PPP1R37: variants seen among roughly 807,000 people sequenced by gnomAD.
PPP1R37 encodes protein phosphatase 1 regulatory subunit 37, also known as leucine rich repeat containing 68.
A neutral mutation model predicts 61.0 loss-of-function variants in PPP1R37; 21 were observed. The ratio of observed to expected loss-of-function variants is 0.34; its 90% confidence interval spans 0.24 to 0.50. The LOEUF is 0.50. Ranked by LOEUF, PPP1R37 falls within the 20% of genes least tolerant of loss-of-function variation. The pLI, the probability that PPP1R37 is intolerant of heterozygous loss-of-function variation, is 0.98. For synonymous variants in PPP1R37, 443 were observed against 433.5 expected (o/e 1.02, Z -0.27); for missense variants, 910 against 952.7 (o/e 0.96, Z 0.59).
chr19:45,146,854 T>G lies in PPP1R37; in HGVS notation c.*292T>G. The G allele has an allele frequency of 5.0e-6, 1 of 198,182 alleles. No individual in the cohort carries two copies. Among genetic ancestry groups the G allele is most frequent in the Non-Finnish European group, 1.1e-5 (1 of 95,032 alleles). 12.3% of individuals were successfully genotyped at this position (198,182 alleles called of 1,614,324 possible). A position where few individuals can be genotyped will look rare whatever the true frequency, so the allele number is the denominator to read the frequency against. On this transcript the variant is annotated 3_prime_UTR_variant, in exon 13 of 13. Transcript: ENST00000221462. ...GAGGTCTCCAAGGACATCAGGCGCC[T>G]GTTCTGGAGGGGCCAGGCTTGCCCT...
At chr19:45,093,761 C>T (rs1235725544) in intron 1 of PPP1R37, among the ~76,000 whole-genome samples, 1 of 152,084 alleles carries the variant, frequency 6.6e-6, no homozygotes, top group African/African-American at 2.4e-5. Flanking sequence ...AGATGGTGAT[C>T]GTTTTAGGGT....
chr19:45,145,787 G>T lies in PPP1R37; in HGVS notation c.1731G>T (p.Pro577=). 1 of 1,505,084 alleles carries T rather than the reference G, an allele frequency of 6.6e-7. No individual in the cohort carries two copies. The allele number at this position is 1,505,084 out of a possible 1,614,324, so 93.2% of individuals were successfully genotyped here. A position where few individuals can be genotyped will look rare whatever the true frequency, so the allele number is the denominator to read the frequency against. The change falls in exon 11 of 13, where the codon CCG becomes CCT. Residue 577 remains proline (P), a synonymous_variant. Transcript: ENST00000221462. ...TTGTGGTGACCCGGGTGGAGAGCCCGCCCGAGAGGGCAGAGCCCCCTGCGT... is the reference window on the plus strand; with the variant it reads ...TTGTGGTGACCCGGGTGGAGAGCCCTCCCGAGAGGGCAGAGCCCCCTGCGT... ...KVFVVTRVES[P]PERAEPPASP...
intron 8 of PPP1R37, 125 bp from the exon 9 acceptor site, chr19:45,144,729 G>A (rs929414426): frequency 1.8e-5 from 14 of 791,962 alleles, no homozygotes; most frequent in Non-Finnish European, 2.5e-5. Context: ...CGGTGTTCAC[G>A]CAGGCGCGCG....
chr19:45,114,566 G>A (rs1968240714), intron 1 of PPP1R37, among the ~76,000 whole-genome samples: 1 of 152,210 alleles, frequency 6.6e-6, no homozygotes, highest in African/African-American at 2.4e-5. Flanking sequence ...AGGAGGCTCT[G>A]CAGACACCCC....
At chr19:45,105,047 TG>T (rs1968112827) in intron 1 of PPP1R37, among the ~76,000 whole-genome samples, 1 of 152,186 alleles carries the variant, frequency 6.6e-6, no homozygotes, top group Non-Finnish European at 1.5e-5. Flanking sequence ...GGGTTGGGTT[TG>T]GTGCCACTGT....
chr19:45,122,543 A>C (rs1968354855), intron 1 of PPP1R37, among the ~76,000 whole-genome samples: 1 of 152,196 alleles, frequency 6.6e-6, no homozygotes, highest in Non-Finnish European at 1.5e-5. Flanking sequence ...GGTCATGAGA[A>C]GTGCCACCTA....
At chr19:45,119,740 G>A (rs1416562378) in intron 1 of PPP1R37, among the ~76,000 whole-genome samples, 2 of 152,208 alleles carry the variant, frequency 1.3e-5, no homozygotes, top group Admixed American at 1.3e-4. Flanking sequence ...CTGGGAAAGT[G>A]GCCAGGTAGG....
At chr19:45,093,554 G>GGGCTCGAGAGGGACCCGGGAGTC (rs1484458423) in intron 1 of PPP1R37, 27 bp downstream of exon 1, 1 of 1,514,828 alleles carries the variant, frequency 6.6e-7, no homozygotes, top group Admixed American at 2.0e-5. Context: ...AAGCGGGGGC[G>GGGCTCGAGAGGGACCCGGGAGTC]GGCTCGAGAG....
chr19:45,110,915 G>A (rs566883579), intron 1 of PPP1R37, among the ~76,000 whole-genome samples: 3 of 152,290 alleles, frequency 2.0e-5, no homozygotes, highest in East Asian at 1.9e-4. Flanking sequence ...CAGGTGGCCC[G>A]AAATAGCCTG....
chr19:45,105,054 A>G lies in PPP1R37; in HGVS notation c.202+11527A>G, dbSNP rs147303195. Among the ~76,000 whole-genome samples, 308 of 152,250 alleles carry G rather than the reference A, an allele frequency of 2.0e-3. 9 individuals carry two copies. In the East Asian group the frequency reaches 0.056, roughly 28 times the overall value. The stretch of plus-strand genomic sequence containing the variant: ...GCAGTGGTGGGTTGGGTTTGGTGCC[A>G]CTGTATTCCCCAGTGCCCCAGACCA... On this transcript the variant is annotated intron_variant, in intron 1 of 12. Coordinates refer to ENST00000221462, the MANE Select transcript of PPP1R37 (RefSeq NM_019121.2).
chr19:45,142,486 A>C, intron 7 of PPP1R37, 28 bp downstream of exon 7: 1 of 1,531,726 alleles, frequency 6.5e-7, no homozygotes, highest in Non-Finnish European at 8.7e-7. Context: ...CCCCACCCAC[A>C]CCCGTCACCC....
chr19:45,136,496 C>T (rs1357486829), intron 1 of PPP1R37: 1 of 152,202 alleles, frequency 6.6e-6, no homozygotes, highest in Non-Finnish European at 1.5e-5. Flanking sequence ...GGGGTAGCTG[C>T]TGCAGTCCTG....
Position 45,140,260 on chromosome 19 carries a change from C to T in PPP1R37, c.325C>T (p.Leu109Phe). The part of the protein sequence containing the change: ...LQEFTDLGHR[L>F]DCLDLKGEKL... ...GGAATTCACAGACCTCGGGCACCGC[C>T]TCGACTGTCTGGACCTGAAAGGTGT... The change falls in exon 3 of 13, where the codon CTC (leucine) becomes TTC (phenylalanine). Residue 109 changes from leucine (L) to phenylalanine (F), a missense_variant. Physicochemically the swap from Leu to Phe is conservative, Grantham distance 22. Transcript: ENST00000221462. The T allele has an allele frequency of 1.3e-6, 2 of 1,536,152 alleles. No homozygotes were observed. The highest frequency in any genetic ancestry group is 1.7e-6 in the Non-Finnish European group (2 of 1,146,898).
chr19:45,093,672 C>T lies in PPP1R37; in HGVS notation c.202+145C>T, dbSNP rs1967953750. 1.6e-5 allele frequency: 9 copies of T among 576,532 alleles called. No homozygotes were observed. The South Asian group carries it at 2.4e-4, about 15-fold the overall frequency. 35.7% of individuals were successfully genotyped at this position (576,532 alleles called of 1,614,324 possible). On this transcript the variant is annotated intron_variant, in intron 1 of 12. Coordinates refer to ENST00000221462, the MANE Select transcript of PPP1R37 (RefSeq NM_019121.2). ...ACAGTCGTCAGTTTAGAACCGTAGT[C>T]TGTTAGAAAGGGGGTGGCTATGGAG... is the stretch of plus-strand genomic sequence containing the variant.
chr19:45,105,277 TC>T (rs138203457), intron 1 of PPP1R37, among the ~76,000 whole-genome samples: 1 of 151,838 alleles, frequency 6.6e-6, no homozygotes, highest in African/African-American at 2.4e-5. Flanking sequence ...GCCTCTGGTA[TC>T]CCCCCGCCAG....
chr19:45,097,810 G>T (rs968375362), intron 1 of PPP1R37, among the ~76,000 whole-genome samples: 1 of 152,056 alleles, frequency 6.6e-6, no homozygotes. Context: ...CCTCTTCTCC[G>T]CTTTCCTCAA....
At chr19:45,144,738 C>T (rs537008772) in intron 8 of PPP1R37, 116 bp from the exon 9 acceptor site, 5 of 898,728 alleles carry the variant, frequency 5.6e-6, no homozygotes, top group African/African-American at 3.5e-5. Context: ...CGCAGGCGCG[C>T]GAAAGAAAAG....
chr19:45,099,791 C>T (rs1968039415), intron 1 of PPP1R37, among the ~76,000 whole-genome samples: 1 of 152,356 alleles, frequency 6.6e-6, no homozygotes, highest in East Asian at 1.9e-4. Flanking sequence ...GGATCAAACA[C>T]CCCATGGTGG....
chr19:45,138,362 G>A (rs948114253), intron 1 of PPP1R37, among the ~76,000 whole-genome samples, 152 bp from the exon 2 acceptor site: 3 of 152,182 alleles, frequency 2.0e-5, no homozygotes, highest in African/African-American at 7.2e-5. Context: ...CCAGCGGGGG[G>A]CCTGAAAGGG....
Sources: allele counts gnomAD v4.1 joint callset (sites outside exome capture counted in the v4.1 genomes callset), GRCh38; gene constraint gnomAD v4.1.1; transcripts MANE v1.5; gene names NCBI Gene and HGNC (gene_info 2026-07-23, HGNC 2026-07-21).